ZNF385D: variants seen among roughly 807,000 people sequenced by gnomAD.
ZNF385D encodes the protein zinc finger protein 385D, also known as zinc finger protein 659.
In ZNF385D, 15 loss-of-function variants were observed where a neutral mutation model predicts 35.8. The observed-to-expected ratio is 0.42, with a 90% confidence interval of 0.28 to 0.64. ZNF385D has a LOEUF of 0.64. Ranked by LOEUF, ZNF385D falls within the 30% of genes least tolerant of loss-of-function variation. The probability of loss-of-function intolerance (pLI) is 0.23; values close to 1 mark genes in which losing one functional copy is unlikely to be tolerated. For missense variants in ZNF385D, 474 were observed against 494.6 expected, an observed-to-expected ratio of 0.96 and a Z score of 0.39; for synonymous variants, 212 against 186.8, an observed-to-expected ratio of 1.13 and a Z score of -1.10.
chr3:22,324,401 T>C (rs1050535870), intron 2 of ZNF385D, among the ~76,000 whole-genome samples: 16 of 152,136 alleles, frequency 1.1e-4, no homozygotes, highest in African/African-American at 3.6e-4. Context: ...GTCAAATAAA[T>C]GCAGACAACT....
intron 2 of ZNF385D, among the ~76,000 whole-genome samples, chr3:21,567,772 G>A (rs1283251793): frequency 1.3e-5 from 2 of 152,110 alleles, no homozygotes; most frequent in Admixed American, 1.3e-4. Context: ...ATCAAAGAAA[G>A]ATGCTCTCCG....
At chr3:21,921,784 A>G (rs1040402867) in intron 3 of ZNF385D, among the ~76,000 whole-genome samples, 2 of 151,916 alleles carry the variant, frequency 1.3e-5, no homozygotes, top group African/African-American at 4.8e-5. Context: ...CCAAGATTGA[A>G]TCAAGAAGAA....
At chr3:22,037,084 G>A (rs1380433953) in intron 3 of ZNF385D, among the ~76,000 whole-genome samples, 1 of 151,996 alleles carries the variant, frequency 6.6e-6, no homozygotes, top group Non-Finnish European at 1.5e-5. Context: ...GTGTATATGT[G>A]CCACATTTTC....
chr3:22,177,328 TG>T (rs1468026871), intron 2 of ZNF385D, among the ~76,000 whole-genome samples: 2 of 152,206 alleles, frequency 1.3e-5, no homozygotes, highest in Non-Finnish European at 2.9e-5. Context: ...AAGAAAGGTT[TG>T]CCCCAGAAAA....
In ZNF385D at chr3:21,763,689, AG is replaced by A. The variant is rs1469988200; in HGVS notation, c.326-98662del. On this transcript the variant is annotated intron_variant, in intron 3 of 5. Transcript: ENST00000494108. Reference sequence around the variant, plus strand: ...AGTTAAATAAAATCATACTCTCTGGAGGAAAAAACAATAACTTTGCCTTGGA... The same window carrying A: ...AGTTAAATAAAATCATACTCTCTGGAGAAAAAACAATAACTTTGCCTTGGA... 3.3e-5 allele frequency among the ~76,000 whole-genome samples: 5 copies of A among 152,164 alleles called. No homozygotes were observed. The East Asian group carries it at 7.7e-4, about 23-fold the overall frequency.
intron 3 of ZNF385D, among the ~76,000 whole-genome samples, chr3:22,136,875 G>A (rs188722909): frequency 2.4e-4 from 37 of 152,146 alleles, no homozygotes; most frequent in Admixed American, 3.9e-4. Context: ...GTGACATTAC[G>A]GAAAAGGCAA....
intron 3 of ZNF385D, among the ~76,000 whole-genome samples, chr3:22,098,850 G>A (rs529627439): frequency 2.0e-4 from 30 of 151,904 alleles, no homozygotes; most frequent in Admixed American, 1.2e-3. Context: ...AAAAACAGGC[G>A]AATATAGAAA....
chr3:21,480,093 T>A (rs1010829056), intron 4 of ZNF385D, among the ~76,000 whole-genome samples: 89 of 147,128 alleles, frequency 6.0e-4, no homozygotes, highest in African/African-American at 2.1e-3. Flanking sequence ...ATACAGAGAA[T>A]GTAAGAATTT....
intron 3 of ZNF385D, among the ~76,000 whole-genome samples, chr3:22,147,965 T>A (rs1253964260): frequency 1.3e-5 from 2 of 152,182 alleles, no homozygotes; most frequent in Non-Finnish European, 2.9e-5. Flanking sequence ...TTAGCAAAGA[T>A]GTTTCTGAGG....
chr3:21,799,916 G>A (rs1361490978), intron 3 of ZNF385D, among the ~76,000 whole-genome samples: 1 of 152,080 alleles, frequency 6.6e-6, no homozygotes, highest in Non-Finnish European at 1.5e-5. Context: ...TCCATTTTGA[G>A]TTAAATTTTG....
At chr3:21,795,665 G>T (rs112315142) in intron 3 of ZNF385D, among the ~76,000 whole-genome samples, 27 of 152,232 alleles carry the variant, frequency 1.8e-4, no homozygotes, top group African/African-American at 6.5e-4. Context: ...TAAAGAAGGG[G>T]ACAGAATGTC....
chr3:22,348,061 A>G (rs1197583426), intron 2 of ZNF385D, among the ~76,000 whole-genome samples: 2 of 152,190 alleles, frequency 1.3e-5, no homozygotes, highest in East Asian at 3.9e-4. Context: ...TACGCTTAGA[A>G]TATAAATAAT....
At chr3:22,136,649 C>G (rs773955953) in intron 3 of ZNF385D, among the ~76,000 whole-genome samples, 1 of 152,154 alleles carries the variant, frequency 6.6e-6, no homozygotes, top group Non-Finnish European at 1.5e-5. Context: ...ACAAGCATAT[C>G]GCTTTATTAA....
intron 3 of ZNF385D, among the ~76,000 whole-genome samples, chr3:22,152,750 G>A (rs1388374684): frequency 6.6e-6 from 1 of 152,090 alleles, no homozygotes; most frequent in African/African-American, 2.4e-5. Context: ...CACGTATGTG[G>A]AGTTCCTTTG....
intron 3 of ZNF385D, among the ~76,000 whole-genome samples, chr3:21,894,489 T>G (rs544952754): frequency 6.6e-6 from 1 of 152,186 alleles, no homozygotes; most frequent in South Asian, 2.1e-4. Context: ...ATATGATTTA[T>G]CTTTGTGATG....
intron 2 of ZNF385D, among the ~76,000 whole-genome samples, chr3:22,191,221 T>C (rs1451131824): frequency 6.6e-6 from 1 of 152,048 alleles, no homozygotes; most frequent in Non-Finnish European, 1.5e-5. Flanking sequence ...CCGGGCGCGG[T>C]GGCTCACGCC....
intron 3 of ZNF385D, among the ~76,000 whole-genome samples, chr3:21,930,316 A>G (rs894860262): frequency 4.6e-5 from 7 of 151,858 alleles, no homozygotes; most frequent in Admixed American, 1.3e-4. Flanking sequence ...AGATTTAAAC[A>G]TAACAACCAA....
intron 3 of ZNF385D, among the ~76,000 whole-genome samples, chr3:21,883,338 C>A (rs914716827): frequency 6.6e-6 from 1 of 151,724 alleles, no homozygotes; most frequent in African/African-American, 2.4e-5. Context: ...AAATTTCTTT[C>A]CCCTCAAAAA....
intron 2 of ZNF385D, among the ~76,000 whole-genome samples, chr3:22,264,578 C>T (rs1700801144): frequency 6.6e-6 from 1 of 151,954 alleles, no homozygotes; most frequent in Non-Finnish European, 1.5e-5. Flanking sequence ...TTGAGTTTTT[C>T]ACTTCCTTGC....
Sources: gnomAD v4.1 joint callset for allele counts (sites outside exome capture counted in the v4.1 genomes callset) on GRCh38, gnomAD v4.1.1 for gene constraint, MANE v1.5 for transcripts, NCBI Gene and HGNC (gene_info 2026-07-23, HGNC 2026-07-21) for gene names.